The following C10orf90 variants were observed in gnomAD, a reference collection of about 807,000 sequenced individuals.
C10orf90 encodes the protein chromosome 10 open reading frame 90.
In C10orf90, 56 loss-of-function variants were observed where a neutral mutation model predicts 62.5. That is an observed-to-expected ratio of 0.90 (90% CI 0.72 to 1.12). C10orf90 has a LOEUF of 1.12. C10orf90 is among the 50% of genes most tolerant of loss of function. C10orf90 has a pLI of 0.00. For synonymous variants in C10orf90, 386 were observed against 340.4 expected (o/e 1.13, Z -1.47); for missense variants, 970 against 880.4 (o/e 1.10, Z -1.29).
chr10:126,588,163 G>A (rs567317645), intron 2 of C10orf90, among the ~76,000 whole-genome samples: 1 of 152,344 alleles, frequency 6.6e-6, no homozygotes, highest in African/African-American at 2.4e-5. Context: ...GCCGGCTCTG[G>A]GGAGTCCAGG....
intron 2 of C10orf90, among the ~76,000 whole-genome samples, chr10:126,533,265 C>T (rs1864152734): frequency 6.6e-6 from 1 of 152,100 alleles, no homozygotes; most frequent in Admixed American, 6.5e-5. Flanking sequence ...CACATCAACC[C>T]AGTGGGACTT....
intron 2 of C10orf90, among the ~76,000 whole-genome samples, chr10:126,553,594 C>T (rs1232469041): frequency 6.6e-6 from 1 of 152,102 alleles, no homozygotes; most frequent in Non-Finnish European, 1.5e-5. Context: ...TGTTTAGATA[C>T]ACAAATTCTT....
chr10:126,599,520 G>T (rs1270977118), intron 2 of C10orf90, among the ~76,000 whole-genome samples: 1 of 151,756 alleles, frequency 6.6e-6, no homozygotes, highest in African/African-American at 2.4e-5. Context: ...CCATTCAATT[G>T]ATGGAAAGGC....
At position 126,425,990 on chromosome 10, in the gene C10orf90, C is replaced by T; in HGVS notation, c.2352+1G>A. The T allele has an allele frequency of 6.2e-7, 1 of 1,614,144 alleles. No individual in the cohort carries two copies. The highest frequency in any genetic ancestry group is 8.5e-7 in the Non-Finnish European group (1 of 1,179,986). On this transcript the variant is annotated splice_donor_variant, in intron 9 of 9. Transcript: ENST00000488181. LOFTEE classifies it high-confidence loss of function. ...ACACCTGCTGGTGACGAGGCCATTA[C>T]CTTTTTGAAGACTTCGGCACGGAGT...
At chr10:126,429,725 A>C in intron 8 of C10orf90, 62 bp downstream of exon 8, 1 of 1,394,664 alleles carries the variant, frequency 7.2e-7, no homozygotes, top group East Asian at 2.3e-5. Flanking sequence ...GGGCACCTGA[A>C]GCCATCAAAC....
intron 2 of C10orf90, among the ~76,000 whole-genome samples, chr10:126,586,990 G>A (rs573768231): frequency 5.9e-5 from 9 of 152,264 alleles, no homozygotes; most frequent in East Asian, 1.9e-4. Flanking sequence ...ATGGAAGAGC[G>A]TCAGAACAAA....
At chr10:126,458,676 AC>A (rs2134099831) in intron 7 of C10orf90, among the ~76,000 whole-genome samples, 1 of 152,108 alleles carries the variant, frequency 6.6e-6, no homozygotes, top group Admixed American at 6.5e-5. Context: ...TCAACCTCTC[AC>A]CCCGAGATCT....
chr10:126,569,071 G>A (rs1431709287), intron 2 of C10orf90, among the ~76,000 whole-genome samples: 2 of 152,114 alleles, frequency 1.3e-5, no homozygotes, highest in Non-Finnish European at 2.9e-5. Flanking sequence ...CTGGCAGGAG[G>A]GTATGCAAGT....
chr10:126,611,470 A>T (rs960927801), intron 2 of C10orf90, among the ~76,000 whole-genome samples: 1 of 152,202 alleles, frequency 6.6e-6, no homozygotes, highest in African/African-American at 2.4e-5. Flanking sequence ...ACATTTGTGT[A>T]CAAGTTTTAT....
At chr10:126,632,550 C>T (rs900831183) in intron 2 of C10orf90, among the ~76,000 whole-genome samples, 3 of 151,668 alleles carry the variant, frequency 2.0e-5, no homozygotes, top group Non-Finnish European at 2.9e-5. Flanking sequence ...AGCACAAATC[C>T]TTTTCAATGC....
At chr10:126,619,785 G>A (rs1845611124) in intron 2 of C10orf90, among the ~76,000 whole-genome samples, 2 of 152,078 alleles carry the variant, frequency 1.3e-5, no homozygotes, top group Admixed American at 1.3e-4. Flanking sequence ...AACTACAGGT[G>A]CACACCACCA....
intron 2 of C10orf90, among the ~76,000 whole-genome samples, chr10:126,595,342 T>G (rs1350827547): frequency 2.0e-5 from 3 of 152,208 alleles, no homozygotes; most frequent in Admixed American, 6.5e-5. Context: ...TCCACTGAGA[T>G]GCAGAATGTG....
rs55780866 is a variant in C10orf90 at position 126,442,478 on chromosome 10, CATATATATATATATATAT to C, written c.2189-12646_2189-12629del. ...ATAATAGTAGGGAACTTCAATATTT[CATATATATATATATATAT>C]ATATATATATATCTGTTAAGTCCAT... On this transcript the variant is annotated intron_variant, in intron 7 of 9. Transcript: ENST00000488181. 7.7e-3 allele frequency among the ~76,000 whole-genome samples: 261 copies of C among 33,804 alleles called. 17 individuals are homozygous for C. The highest frequency in any genetic ancestry group is 0.035 in the African/African-American group (224 of 6,312). 22.2% of individuals were successfully genotyped at this position (33,804 alleles called of 152,430 possible).
intron 3 of C10orf90, 87 bp downstream of exon 3, chr10:126,513,761 G>A: frequency 2.6e-6 from 2 of 769,144 alleles, no homozygotes; most frequent in Non-Finnish European, 4.4e-6. Context: ...AAAATAAAAT[G>A]CAATCACATC....
chr10:126,580,274 G>T (rs1397067361), intron 2 of C10orf90, among the ~76,000 whole-genome samples: 3 of 152,160 alleles, frequency 2.0e-5, no homozygotes, highest in African/African-American at 7.2e-5. Context: ...ACTCTTCTTG[G>T]ATCTTAGGAG....
At chr10:126,660,006 A>G (rs899146328) in intron 1 of C10orf90, among the ~76,000 whole-genome samples, 5 of 152,252 alleles carry the variant, frequency 3.3e-5, no homozygotes, top group Non-Finnish European at 5.9e-5. Flanking sequence ...ACTTTGCCTC[A>G]TGGAGCTCCC....
chr10:126,651,126 C>T (rs2133858472), intron 1 of C10orf90, among the ~76,000 whole-genome samples: 1 of 152,328 alleles, frequency 6.6e-6, no homozygotes, highest in East Asian at 1.9e-4. Context: ...TCCTACATTA[C>T]CTCACTTGTT....
intron 4 of C10orf90, among the ~76,000 whole-genome samples, chr10:126,500,321 T>C (rs1862302995): frequency 6.6e-6 from 1 of 152,168 alleles, no homozygotes; most frequent in African/African-American, 2.4e-5. Flanking sequence ...AGGAGACAAG[T>C]ACACAGCTCT....
At chr10:126,451,261 T>A (rs1302117688) in intron 7 of C10orf90, among the ~76,000 whole-genome samples, 1 of 152,132 alleles carries the variant, frequency 6.6e-6, no homozygotes, top group Non-Finnish European at 1.5e-5. Flanking sequence ...GTACGGCCAT[T>A]ATGGAAAACA....
Sources: allele counts gnomAD v4.1 joint callset (sites outside exome capture counted in the v4.1 genomes callset), GRCh38; gene constraint gnomAD v4.1.1; transcripts MANE v1.5; gene names NCBI Gene and HGNC (gene_info 2026-07-23, HGNC 2026-07-21).